TEC: variants seen among roughly 807,000 people sequenced by gnomAD.
The protein encoded by TEC is tec protein tyrosine kinase, also known as tyrosine-protein kinase Tec.
In TEC, 72 loss-of-function variants were observed where a neutral mutation model predicts 93.0. The observed-to-expected ratio is 0.77, with a 90% CI of 0.64 to 0.94. TEC has a LOEUF of 0.94. Among genes scored for constraint, TEC ranks in the 40% least tolerant of loss-of-function variants. TEC has a pLI of 0.00. For synonymous variants in TEC, 249 were observed against 247.7 expected (o/e 1.01, Z -0.05); for missense variants, 630 against 757.9 (o/e 0.83, Z 1.98).
intron 1 of TEC, among the ~76,000 whole-genome samples, chr4:48,242,009 T>G (rs2457411): frequency 0.78 from 118,072 of 152,184 alleles, 46,690 homozygotes; most frequent in African/African-American, 0.93. Flanking sequence ...GAGAAGAATG[T>G]GAAAAGAGTA....
chr4:48,167,970 A>G lies in TEC; in HGVS notation c.496-17T>C, dbSNP rs1264229324. ...AGGCCTTCGCTAGACAAGGAAGATA[A>G]CATTTGAAAGTTTAGTCTTCTATAT... On this transcript the variant is annotated splice_polypyrimidine_tract_variant and intron_variant, in intron 6 of 17. Coordinates refer to ENST00000381501, the MANE Select transcript of TEC (RefSeq NM_003215.3). 6.2e-7 allele frequency: 1 copy of G among 1,612,706 alleles called. No homozygotes were observed. The highest frequency in any genetic ancestry group is 8.5e-7 in the Non-Finnish European group (1 of 1,179,198).
At chr4:48,168,456 G>A (rs549442690) in intron 6 of TEC, 130 bp downstream of exon 6, 10 of 927,180 alleles carry the variant, frequency 1.1e-5, no homozygotes, top group Middle Eastern at 2.5e-4. Flanking sequence ...CTTCTGAGAC[G>A]ATCCTAGGGA....
At chr4:48,219,553 T>C (rs1246144071) in intron 2 of TEC, among the ~76,000 whole-genome samples, 1 of 152,204 alleles carries the variant, frequency 6.6e-6, no homozygotes, top group African/African-American at 2.4e-5. Context: ...GTGAAAGTCT[T>C]AAAGTCTTTG....
rs767263692 is a variant in TEC at position 48,228,618 on chromosome 4, C to T, written c.-4G>A. 5.6e-6 allele frequency: 9 copies of T among 1,611,368 alleles called. No individual in the cohort carries two copies. The highest frequency in any genetic ancestry group is 2.2e-5 in the East Asian group (1 of 44,818). On this transcript the variant is annotated 5_prime_UTR_variant, in exon 2 of 18. Coordinates refer to ENST00000381501, the MANE Select transcript of TEC (RefSeq NM_003215.3). ...CCAAAATAGTGTTAAAATTCATCTCCGTCTTCTGATTACTCCTCCTGCCAC... is the reference window on the plus strand; with the variant it reads ...CCAAAATAGTGTTAAAATTCATCTCTGTCTTCTGATTACTCCTCCTGCCAC...
intron 2 of TEC, among the ~76,000 whole-genome samples, chr4:48,188,937 G>A (rs1399277790): frequency 6.6e-6 from 1 of 152,162 alleles, no homozygotes; most frequent in Admixed American, 6.5e-5. Flanking sequence ...CCAGGAAAAA[G>A]ATCAGTTAAA....
intron 12 of TEC, 110 bp from the exon 13 acceptor site, chr4:48,145,689 A>T: frequency 1.5e-5 from 17 of 1,161,804 alleles, no homozygotes; most frequent in Non-Finnish European, 2.0e-5. Flanking sequence ...TTACAGGATA[A>T]CACTGTAATA....
chr4:48,206,884 G>A (rs865975242), intron 2 of TEC, among the ~76,000 whole-genome samples: 2 of 151,980 alleles, frequency 1.3e-5, no homozygotes, highest in African/African-American at 4.8e-5. Context: ...GGTTGAACCC[G>A]GGAGGTCAAG....
intron 11 of TEC, among the ~76,000 whole-genome samples, chr4:48,147,468 C>T (rs77569830): frequency 9.7e-4 from 148 of 152,290 alleles, no homozygotes; most frequent in African/African-American, 3.3e-3. Flanking sequence ...AAGTCCATCA[C>T]AGCAATAAAC....
intron 2 of TEC, among the ~76,000 whole-genome samples, chr4:48,218,759 A>G (rs542944504): frequency 5.3e-5 from 8 of 152,292 alleles, no homozygotes; most frequent in African/African-American, 1.7e-4. Flanking sequence ...AAAAAAACCA[A>G]TATGACCCAG....
intron 1 of TEC, among the ~76,000 whole-genome samples, chr4:48,231,014 G>A (rs1723630916): frequency 6.6e-6 from 1 of 152,180 alleles, no homozygotes. Context: ...TAGCTGTTAA[G>A]GAATGGTTCT....
chr4:48,230,556 G>A (rs1238942283), intron 1 of TEC, among the ~76,000 whole-genome samples: 1 of 152,172 alleles, frequency 6.6e-6, no homozygotes, highest in Non-Finnish European at 1.5e-5. Flanking sequence ...GTTCTTGCCT[G>A]CTTTTATTCA....
chr4:48,258,675 C>CA (rs1355460882), intron 1 of TEC, among the ~76,000 whole-genome samples: 3 of 152,154 alleles, frequency 2.0e-5, no homozygotes, highest in Non-Finnish European at 1.5e-5. Context: ...TCCTGATTTT[C>CA]AAAAATATTT....
intron 2 of TEC, among the ~76,000 whole-genome samples, chr4:48,207,926 G>A (rs1372322711): frequency 6.6e-6 from 1 of 152,162 alleles, no homozygotes; most frequent in African/African-American, 2.4e-5. Context: ...AAGAAAAGAA[G>A]AGGAAATTGA....
At chr4:48,141,453 A>T (rs1192680214) in intron 14 of TEC, 34 bp from the exon 15 acceptor site, 1 of 1,592,574 alleles carries the variant, frequency 6.3e-7, no homozygotes, top group South Asian at 1.1e-5. Context: ...ATATTAGTTT[A>T]AAAATTCTAT....
intron 1 of TEC, among the ~76,000 whole-genome samples, chr4:48,267,255 CAA>C (rs60041169): frequency 0.026 from 4,002 of 152,286 alleles, 170 homozygotes; most frequent in African/African-American, 0.09. Flanking sequence ...TTTCTCTAAA[CAA>C]AAGAGTATGT....
chr4:48,212,110 A>AAAATATATATATATATATAT, intron 2 of TEC, among the ~76,000 whole-genome samples: 1 of 122,266 alleles, frequency 8.2e-6, no homozygotes, highest in African/African-American at 3.0e-5. Flanking sequence ...AAAAAAAAAA[A>AAAATATATATATATATATAT]ATATATATAT....
chr4:48,141,583 T>C (rs1719668870), intron 14 of TEC, 164 bp from the exon 15 acceptor site: 2 of 569,342 alleles, frequency 3.5e-6, no homozygotes, highest in South Asian at 2.9e-5. Context: ...AGTATTTCCA[T>C]TGTGTATTTG....
chr4:48,264,987 C>G (rs1226454594), intron 1 of TEC, among the ~76,000 whole-genome samples: 1 of 148,692 alleles, frequency 6.7e-6, no homozygotes, highest in Non-Finnish European at 1.5e-5. Flanking sequence ...AGTAGATAAC[C>G]AAGGGCATTA....
chr4:48,153,593 T>C (rs1720268558), intron 9 of TEC: 1 of 152,206 alleles, frequency 6.6e-6, no homozygotes, highest in Non-Finnish European at 1.5e-5. Context: ...GTTATTTATA[T>C]TCTACTGCTC....
Sources: allele counts gnomAD v4.1 joint callset (sites outside exome capture counted in the v4.1 genomes callset), GRCh38; gene constraint gnomAD v4.1.1; transcripts MANE v1.5; gene names NCBI Gene and HGNC (gene_info 2026-07-23, HGNC 2026-07-21).